The following CNTN4 variants were observed in gnomAD, a reference collection of about 807,000 sequenced individuals.
The protein encoded by CNTN4 is contactin 4.
A neutral mutation model predicts 122.5 loss-of-function variants in CNTN4; 77 were observed. The observed-to-expected ratio is 0.63, with a 90% CI of 0.52 to 0.76. The LOEUF is 0.76. Ranked by LOEUF, CNTN4 falls within the 30% of genes least tolerant of loss-of-function variation. The pLI is 0.00. For synonymous variants in CNTN4, 512 were observed against 447.0 expected, an observed-to-expected ratio of 1.15 and a Z score of -1.83; for missense variants, 1,256 against 1,259.1, an observed-to-expected ratio of 1.00 and a Z score of 0.04.
At chr3:2,670,288 C>CAT (rs2084427385) in intron 4 of CNTN4, among the ~76,000 whole-genome samples, 1 of 152,134 alleles carries the variant, frequency 6.6e-6, no homozygotes, top group Non-Finnish European at 1.5e-5. Flanking sequence ...GTATTGGGTA[C>CAT]ATATATATTT....
At chr3:2,643,587 T>C (rs1362837599) in intron 4 of CNTN4, among the ~76,000 whole-genome samples, 1 of 152,126 alleles carries the variant, frequency 6.6e-6, no homozygotes, top group Admixed American at 6.5e-5. Flanking sequence ...ATGCTGAGGA[T>C]ATAGCAGTAA....
chr3:2,625,931 C>G (rs1473174187), intron 4 of CNTN4, among the ~76,000 whole-genome samples: 2 of 152,098 alleles, frequency 1.3e-5, no homozygotes, highest in Non-Finnish European at 2.9e-5. Flanking sequence ...TCGAATTGTT[C>G]CTGTTCTTTC....
At chr3:2,739,858 A>C (rs895321150) in intron 5 of CNTN4, among the ~76,000 whole-genome samples, 12 of 152,210 alleles carry the variant, frequency 7.9e-5, no homozygotes, top group Admixed American at 7.9e-4. Context: ...AAAATATTTT[A>C]ACAAGGTCTG....
intron 6 of CNTN4, among the ~76,000 whole-genome samples, chr3:2,751,950 T>C (rs1559465320): frequency 6.6e-6 from 1 of 152,198 alleles, no homozygotes; most frequent in Non-Finnish European, 1.5e-5. Flanking sequence ...CTATGTGTCC[T>C]GTGTCTCTAG....
rs776747026 is a variant in CNTN4, at chr3:2,385,962, T to C, written c.-89+46729T>C. On this transcript the variant is annotated intron_variant, in intron 3 of 24. Coordinates refer to ENST00000418658, the MANE Select transcript of CNTN4 (RefSeq NM_175607.3). The surrounding 1 kb of genome is among the most constrained non-coding windows in gnomAD (Gnocchi z 4.0). Reference sequence around the variant, plus strand: ...CTCAGCAGTCGCTCCCGAGAATCCTTCTTTTTATGTTCAGAAGAGAGGTTA... The same window carrying C: ...CTCAGCAGTCGCTCCCGAGAATCCTCCTTTTTATGTTCAGAAGAGAGGTTA... Among the ~76,000 whole-genome samples the C allele has an allele frequency of 2.6e-5, 4 of 152,106 alleles. No homozygotes were observed.
At chr3:2,978,676 C>G (rs1693655229) in intron 13 of CNTN4, among the ~76,000 whole-genome samples, 1 of 152,136 alleles carries the variant, frequency 6.6e-6, no homozygotes, top group Non-Finnish European at 1.5e-5. Flanking sequence ...TGACACGTGC[C>G]CAATTCTGTC....
intron 2 of CNTN4, among the ~76,000 whole-genome samples, chr3:2,124,733 A>G (rs1426715816): frequency 1.3e-5 from 2 of 152,060 alleles, no homozygotes; most frequent in East Asian, 1.9e-4. Context: ...TGTTCATGCT[A>G]CTCTACTCCA....
chr3:2,388,618 G>T (rs2046330624), intron 3 of CNTN4, among the ~76,000 whole-genome samples: 1 of 152,186 alleles, frequency 6.6e-6, no homozygotes, highest in Non-Finnish European at 1.5e-5. Context: ...GCCGAGGCAG[G>T]CAGATCACTG....
In CNTN4 at chr3:2,260,862, G is replaced by A. The variant is rs928186421; in HGVS notation, c.-144-78316G>A. Among the ~76,000 whole-genome samples the A allele has an allele frequency of 5.9e-5, 9 of 151,470 alleles. No homozygotes were observed. The East Asian group carries it at 1.7e-3, about 29-fold the overall frequency. ...CCTGCATCAGCCTCCTGAGTAGCTG[G>A]GATTACAGGTGCCCACCGCCACGCT... On this transcript the variant is annotated intron_variant, in intron 2 of 24. Transcript: ENST00000418658.
At chr3:2,146,874 TTTG>T (rs961893550) in intron 2 of CNTN4, among the ~76,000 whole-genome samples, 2 of 152,116 alleles carry the variant, frequency 1.3e-5, no homozygotes, top group African/African-American at 4.8e-5. Flanking sequence ...TCCATAGTTT[TTTG>T]TTGTTGTTTT....
At chr3:2,583,540 A>G (rs2080043030) in intron 4 of CNTN4, among the ~76,000 whole-genome samples, 3 of 152,194 alleles carry the variant, frequency 2.0e-5, no homozygotes, top group South Asian at 2.1e-4. Context: ...GTGTTTTAGT[A>G]TTTGATTGGC....
intron 13 of CNTN4, among the ~76,000 whole-genome samples, chr3:2,933,471 G>C (rs1245216553): frequency 6.6e-6 from 1 of 152,204 alleles, no homozygotes; most frequent in African/African-American, 2.4e-5. Flanking sequence ...GTGATACAGG[G>C]TTGTGAAATT....
intron 3 of CNTN4, among the ~76,000 whole-genome samples, chr3:2,460,933 C>T (rs554904407): frequency 1.3e-3 from 203 of 152,094 alleles, no homozygotes; most frequent in Non-Finnish European, 2.1e-3. Flanking sequence ...AGACGATAAG[C>T]TAAGCTGAGA....
intron 2 of CNTN4, among the ~76,000 whole-genome samples, chr3:2,319,902 A>T (rs1325081858): frequency 6.6e-6 from 1 of 152,188 alleles, no homozygotes; most frequent in African/African-American, 2.4e-5. Context: ...TAATAGTAAT[A>T]CATGTATAGC....
At chr3:2,771,979 T>A (rs931203192) in intron 6 of CNTN4, among the ~76,000 whole-genome samples, 1 of 152,128 alleles carries the variant, frequency 6.6e-6, no homozygotes, top group Non-Finnish European at 1.5e-5. Context: ...TTCATGGATA[T>A]GCACGGGACA....
intron 3 of CNTN4, among the ~76,000 whole-genome samples, chr3:2,501,575 A>C (rs980274160): frequency 1.3e-5 from 2 of 152,156 alleles, no homozygotes; most frequent in African/African-American, 4.8e-5. Context: ...ATAAAAAGCT[A>C]GCAGTGTACC....
intron 3 of CNTN4, among the ~76,000 whole-genome samples, chr3:2,442,594 T>G (rs1364850136): frequency 1.4e-5 from 1 of 72,406 alleles, no homozygotes; most frequent in Non-Finnish European, 3.4e-5. Flanking sequence ...CACACACACA[T>G]TTTTTTTTTA....
intron 2 of CNTN4, among the ~76,000 whole-genome samples, chr3:2,225,734 T>C (rs1281647456): frequency 6.6e-6 from 1 of 152,150 alleles, no homozygotes; most frequent in South Asian, 2.1e-4. Flanking sequence ...TTGACACCAT[T>C]CCCCATTTGG....
intron 20 of CNTN4, 65 bp from the exon 21 acceptor site, chr3:3,042,245 T>A (rs1312614860): frequency 9.1e-7 from 1 of 1,102,424 alleles, no homozygotes; most frequent in South Asian, 1.2e-5. Flanking sequence ...CTTATAATGC[T>A]AGTATCTACA....
Sources: gnomAD v4.1 joint callset for allele counts (sites outside exome capture counted in the v4.1 genomes callset) on GRCh38, gnomAD v4.1.1 for gene constraint, Gnocchi (gnomAD v3.1) non-coding constraint, MANE v1.5 for transcripts, NCBI Gene and HGNC (gene_info 2026-07-23, HGNC 2026-07-21) for gene names.